Variants in KCND2 observed in about 807,000 individuals in gnomAD.
KCND2 encodes the protein A-type voltage-gated potassium channel KCND2.
A neutral mutation model predicts 54.4 loss-of-function variants in KCND2; 16 were observed. The ratio of observed to expected loss-of-function variants is 0.29; its 90% CI spans 0.20 to 0.45. The LOEUF (loss-of-function observed/expected upper bound fraction) is 0.45, where lower values mean the gene tolerates loss of function less well. Among genes scored for constraint, KCND2 ranks in the 20% least tolerant of loss-of-function variants. KCND2 has a pLI of 1.00. For synonymous variants in KCND2, 317 were observed against 310.7 expected, an observed-to-expected ratio of 1.02 and a Z score of -0.21; for missense variants, 486 against 824.2, an observed-to-expected ratio of 0.59 and a Z score of 5.02.
intron 1 of KCND2, among the ~76,000 whole-genome samples, chr7:120,380,981 G>T (rs770413905): frequency 1.3e-5 from 2 of 151,986 alleles, no homozygotes; most frequent in Non-Finnish European, 2.9e-5. Context: ...AAGATTTAAA[G>T]AAATTTTTTT....
chr7:120,479,358 T>C (rs1282131113), intron 1 of KCND2, among the ~76,000 whole-genome samples: 1 of 152,066 alleles, frequency 6.6e-6, no homozygotes, highest in Non-Finnish European at 1.5e-5. Context: ...ATTAAACATT[T>C]AGAAGATCAT....
chr7:120,382,074 G>C (rs540320499), intron 1 of KCND2, among the ~76,000 whole-genome samples: 4 of 151,838 alleles, frequency 2.6e-5, no homozygotes, highest in Non-Finnish European at 5.9e-5. Context: ...TTCTTGAGGA[G>C]TTTGAAAAAC....
chr7:120,456,941 TGAAATCTAGATG>T (rs1372140230), intron 1 of KCND2, among the ~76,000 whole-genome samples: 1 of 152,186 alleles, frequency 6.6e-6, no homozygotes, highest in Non-Finnish European at 1.5e-5. Flanking sequence ...TTACATCCTC[TGAAATCTAGATG>T]GAGGTTCCAC....
intron 2 of KCND2, among the ~76,000 whole-genome samples, chr7:120,734,011 A>C (rs1428792577): frequency 2.0e-5 from 3 of 152,166 alleles, no homozygotes; most frequent in Non-Finnish European, 4.4e-5. Context: ...TTAATTGAGC[A>C]AAGAACAACT....
intron 1 of KCND2, among the ~76,000 whole-genome samples, chr7:120,686,094 G>A (rs1792197677): frequency 1.3e-5 from 2 of 152,102 alleles, no homozygotes; most frequent in Non-Finnish European, 2.9e-5. Context: ...ATATTTAAAT[G>A]GAATATGTTT....
intron 1 of KCND2, among the ~76,000 whole-genome samples, chr7:120,566,419 T>TG (rs988167077): frequency 1.1e-4 from 16 of 152,128 alleles, no homozygotes; most frequent in Non-Finnish European, 2.2e-4. Context: ...GGCTCACTGT[T>TG]GCAGCCTCCA....
chr7:120,649,759 G>T (rs928992364), intron 1 of KCND2, among the ~76,000 whole-genome samples: 1 of 152,152 alleles, frequency 6.6e-6, no homozygotes, highest in Non-Finnish European at 1.5e-5. Flanking sequence ...GGTACCAGTT[G>T]TTCCTTTCCA....
intron 1 of KCND2, among the ~76,000 whole-genome samples, chr7:120,409,611 T>G (rs1801418516): frequency 6.6e-6 from 1 of 151,910 alleles, no homozygotes; most frequent in African/African-American, 2.4e-5. Flanking sequence ...GATCTTTCAT[T>G]GTGGTTTTAA....
intron 1 of KCND2, among the ~76,000 whole-genome samples, chr7:120,425,499 C>T (rs529152662): frequency 6.6e-6 from 1 of 152,340 alleles, no homozygotes; most frequent in East Asian, 1.9e-4. Flanking sequence ...ATTCTGCCTT[C>T]GTGGTGACTC....
intron 1 of KCND2, among the ~76,000 whole-genome samples, chr7:120,518,318 A>G (rs903206819): frequency 4.6e-5 from 7 of 152,200 alleles, no homozygotes; most frequent in African/African-American, 1.7e-4. Flanking sequence ...AATAATTTTT[A>G]TAATGGAAAT....
At chr7:120,290,934 A>G (rs1799427355) in intron 1 of KCND2, among the ~76,000 whole-genome samples, 1 of 151,934 alleles carries the variant, frequency 6.6e-6, no homozygotes. Flanking sequence ...TGGCAGAAAA[A>G]TGAAGAGTGT....
intron 1 of KCND2, among the ~76,000 whole-genome samples, chr7:120,610,585 G>C (rs1049145685): frequency 1.3e-5 from 2 of 152,050 alleles, no homozygotes; most frequent in African/African-American, 4.8e-5. Context: ...AAGCTTCCAT[G>C]AGATGCCTGT....
intron 1 of KCND2, among the ~76,000 whole-genome samples, chr7:120,333,001 C>T (rs1350849560): frequency 6.6e-6 from 1 of 152,084 alleles, no homozygotes; most frequent in Non-Finnish European, 1.5e-5. Context: ...TCTGCCCATC[C>T]AGAGCTGTTG....
At chr7:120,600,972 GTTT>G (rs1034788639) in intron 1 of KCND2, among the ~76,000 whole-genome samples, 31 of 152,014 alleles carry the variant, frequency 2.0e-4, no homozygotes, top group African/African-American at 7.2e-4. Flanking sequence ...CACTATTTAA[GTTT>G]TTTATTTGTA....
At chr7:120,379,494 A>T (rs905461414) in intron 1 of KCND2, among the ~76,000 whole-genome samples, 1 of 152,070 alleles carries the variant, frequency 6.6e-6, no homozygotes, top group African/African-American at 2.4e-5. Flanking sequence ...AATAAAATAT[A>T]CTCAAACATC....
At chr7:120,715,385 C>T (rs1792590913) in intron 1 of KCND2, among the ~76,000 whole-genome samples, 5 of 152,018 alleles carry the variant, frequency 3.3e-5, no homozygotes, top group Admixed American at 3.3e-4. Context: ...TATTGCTACA[C>T]TAACCTATTT....
At chr7:120,646,838 GA>G (rs1793448513) in intron 1 of KCND2, among the ~76,000 whole-genome samples, 1 of 152,150 alleles carries the variant, frequency 6.6e-6, no homozygotes, top group Admixed American at 6.5e-5. Context: ...TTCTACTAGT[GA>G]AAGTACAAGC....
intron 1 of KCND2, among the ~76,000 whole-genome samples, chr7:120,638,681 T>G (rs747314773): frequency 1.3e-5 from 2 of 152,166 alleles, no homozygotes; most frequent in Non-Finnish European, 2.9e-5. Flanking sequence ...CATTTGTAGA[T>G]AGTGCTTACA....
At chr7:120,508,620 A>C (rs1443783403) in intron 1 of KCND2, among the ~76,000 whole-genome samples, 1 of 152,174 alleles carries the variant, frequency 6.6e-6, no homozygotes, top group South Asian at 2.1e-4. Context: ...AGGAAGCCAA[A>C]GTCAAAATCA....
Sources: allele counts gnomAD v4.1 joint callset (sites outside exome capture counted in the v4.1 genomes callset), GRCh38; gene constraint gnomAD v4.1.1; transcripts MANE v1.5; gene names NCBI Gene and HGNC (gene_info 2026-07-23, HGNC 2026-07-21).